Variants in C1orf87 observed in about 807,000 individuals in gnomAD.
C1orf87 encodes the protein uncharacterized protein C1orf87.
Under a neutral mutation model 60.5 loss-of-function variants are expected in C1orf87, and 58 were observed. That is an observed-to-expected ratio of 0.96 (90% CI 0.78 to 1.19). C1orf87 has a LOEUF of 1.19. Among genes scored for constraint, C1orf87 ranks in the 50% most tolerant of loss-of-function variants. C1orf87 has a pLI of 0.00. For missense variants in C1orf87, 673 were observed against 638.6 expected, an observed-to-expected ratio of 1.05 and a Z score of -0.58; for synonymous variants, 236 against 227.4, an observed-to-expected ratio of 1.04 and a Z score of -0.34.
intron 7 of C1orf87, among the ~76,000 whole-genome samples, chr1:60,031,562 G>A (rs1011947107): frequency 3.9e-5 from 6 of 152,130 alleles, no homozygotes; most frequent in Non-Finnish European, 8.8e-5. Flanking sequence ...ACCAAACACT[G>A]ATTTCTTTTT....
intron 4 of C1orf87, 68 bp from the exon 5 acceptor site, chr1:60,040,248 G>A (rs1425842416): frequency 1.3e-6 from 2 of 1,541,320 alleles, no homozygotes; most frequent in African/African-American, 2.8e-5. Context: ...AAGCAAGGAA[G>A]CAGAGGCACA....
At chr1:60,027,658 C>T (rs905850541) in intron 7 of C1orf87, among the ~76,000 whole-genome samples, 2 of 151,824 alleles carry the variant, frequency 1.3e-5, no homozygotes, top group South Asian at 2.1e-4. Flanking sequence ...GACAACCAAT[C>T]GGGTTTGAAA....
Position 60,042,310 on chromosome 1 carries a change from C to T in C1orf87, c.343-1179G>A, listed in dbSNP as rs548242070. 9.9e-5 allele frequency among the ~76,000 whole-genome samples: 15 copies of T among 152,224 alleles called. No individual in the cohort carries two copies. In the South Asian group the frequency reaches 2.7e-3, roughly 27 times the overall value. ...AGTGCAGTGGCAAGATCTCGGCTCA[C>T]TGCAACCTCTGCCTCCCGGGTTCAA... is the stretch of plus-strand genomic sequence containing the variant. On this transcript the variant is annotated intron_variant, in intron 3 of 11. Transcript: ENST00000371201.
chr1:60,067,489 T>C (rs1645555033), intron 2 of C1orf87, among the ~76,000 whole-genome samples: 1 of 152,118 alleles, frequency 6.6e-6, no homozygotes, highest in Non-Finnish European at 1.5e-5. Flanking sequence ...TTTTTTCATA[T>C]GTTTGTTGGC....
intron 7 of C1orf87, among the ~76,000 whole-genome samples, chr1:60,031,072 G>T (rs1645234601): frequency 6.6e-6 from 1 of 151,986 alleles, no homozygotes; most frequent in African/African-American, 2.4e-5. Context: ...CATAGTCTGT[G>T]ATTCTCTCTT....
intron 8 of C1orf87, among the ~76,000 whole-genome samples, chr1:60,019,546 T>C (rs76581314): frequency 0.06 from 9,097 of 152,102 alleles, 337 homozygotes; most frequent in Middle Eastern, 0.17. Flanking sequence ...TGGGTAAAGG[T>C]TGAAACATTT....
Position 60,072,560 on chromosome 1 carries a change from T to C in C1orf87, c.84A>G (p.Gln28=), listed in dbSNP as rs1372719591. ...ACATCTTTGGCTTCTCCACGAGGTA[T>C]TGAAAGTGTTTACTTCCAATGATTT... ...MVKIIGSKHF[Q]YLVEKPKIKE... is the part of the protein sequence containing the mutation. The change falls in exon 2 of 12, where the codon CAA becomes CAG. Residue 28 remains glutamine, a synonymous_variant. Coordinates refer to ENST00000371201, the MANE Select transcript of C1orf87 (RefSeq NM_152377.3). 9.3e-6 allele frequency: 15 copies of C among 1,612,524 alleles called. No homozygotes were observed. The highest frequency in any genetic ancestry group is 2.2e-5 in the East Asian group (1 of 44,866).
intron 3 of C1orf87, among the ~76,000 whole-genome samples, chr1:60,044,328 C>T (rs12734364): frequency 0.12 from 18,689 of 152,250 alleles, 1,403 homozygotes; most frequent in East Asian, 0.26. Flanking sequence ...CCACGCCCAG[C>T]CACAGACTAA....
intron 8 of C1orf87, among the ~76,000 whole-genome samples, chr1:60,016,090 C>A (rs919635377): frequency 6.6e-6 from 1 of 152,160 alleles, no homozygotes; most frequent in Non-Finnish European, 1.5e-5. Context: ...TAGCCATATT[C>A]TGAAGTACTG....
chr1:60,040,222 A>C, intron 4 of C1orf87, 42 bp from the exon 5 acceptor site: 8 of 1,573,772 alleles, frequency 5.1e-6, no homozygotes, highest in Non-Finnish European at 6.9e-6. Context: ...CTCTTCAATC[A>C]GCCGGCTAAA....
chr1:59,998,400 G>A (rs1644978606), intron 10 of C1orf87, among the ~76,000 whole-genome samples: 1 of 152,172 alleles, frequency 6.6e-6, no homozygotes, highest in South Asian at 2.1e-4. Context: ...TAGAAGCAGG[G>A]CATAAAGGCT....
intron 3 of C1orf87, 33 bp from the exon 4 acceptor site, chr1:60,041,164 GC>G: frequency 6.7e-7 from 1 of 1,485,322 alleles, no homozygotes; most frequent in South Asian, 1.4e-5. Flanking sequence ...GAAGCAAGGA[GC>G]AGAAGAGGAG....
At chr1:60,022,771 A>G (rs1045845712) in intron 8 of C1orf87, among the ~76,000 whole-genome samples, 1 of 152,000 alleles carries the variant, frequency 6.6e-6, no homozygotes, top group African/African-American at 2.4e-5. Context: ...GAGGCTATTA[A>G]TAAGCAAATA....
chr1:59,993,449 C>T (rs1447031360), intron 11 of C1orf87, among the ~76,000 whole-genome samples: 2 of 151,728 alleles, frequency 1.3e-5, no homozygotes, highest in Non-Finnish European at 2.9e-5. Flanking sequence ...AATATATAAA[C>T]AGTATATATG....
At position 60,001,118 on chromosome 1, in the gene C1orf87, G is replaced by C; in HGVS notation, c.1231C>G (p.Pro411Ala). The C allele has an allele frequency of 6.2e-7, 1 of 1,605,524 alleles. No individual in the cohort carries two copies. The highest frequency in any genetic ancestry group is 8.5e-7 in the Non-Finnish European group (1 of 1,176,092). ...CTTTGAGACATCTCGGGGACTTCAG[G>C]CTCCATTGGAGGGGCAGGGGCTTTC... The part of the protein sequence containing the change: ...EKKAPAPPME[P>A]EVPEMSQSKT... Residue 411 changes from proline to alanine, a missense_variant, in exon 10 of 12, where the codon CCT (proline) becomes GCT (alanine). By Grantham distance (27) the Pro-to-Ala change is conservative (BLOSUM62 -1). Coordinates refer to ENST00000371201, the MANE Select transcript of C1orf87 (RefSeq NM_152377.3).
At chr1:60,051,176 G>C (rs1005834671) in intron 3 of C1orf87, among the ~76,000 whole-genome samples, 1 of 152,166 alleles carries the variant, frequency 6.6e-6, no homozygotes, top group Admixed American at 6.5e-5. Context: ...ATAGAGAATA[G>C]ACAGAGTTGA....
Position 60,064,666 on chromosome 1 carries a change from A to ATTATATATAAATATATAT in C1orf87, c.107+7853_107+7870dup, listed in dbSNP as rs1241856798. On this transcript the variant is annotated intron_variant, in intron 2 of 11. Transcript: ENST00000371201. ...ATATATTTTATATATTAAATATATA[A>ATTATATATAAATATATAT]TTATATATAAATATATATTTATATA... Among the ~76,000 whole-genome samples the ATTATATATAAATATATAT allele has an allele frequency of 1.0e-4, 11 of 108,602 alleles. 1 individual carries two copies. In the South Asian group the frequency reaches 2.2e-3, roughly 22 times the overall value. The allele number at this position is 108,602 out of a possible 152,430, so 71.2% of individuals were successfully genotyped here. A position where few individuals can be genotyped will look rare whatever the true frequency, so the allele number is the denominator to read the frequency against.
At chr1:60,065,005 A>AAT (rs377606368) in intron 2 of C1orf87, among the ~76,000 whole-genome samples, 6 of 39,840 alleles carry the variant, frequency 1.5e-4, no homozygotes, top group African/African-American at 2.4e-4. Context: ...ATAAATATTA[A>AAT]ATATATATTA....
chr1:60,043,115 G>C (rs535765833), intron 3 of C1orf87, among the ~76,000 whole-genome samples: 2 of 152,288 alleles, frequency 1.3e-5, no homozygotes, highest in East Asian at 1.9e-4. Flanking sequence ...GACAGATGAT[G>C]CTTTCAGAGC....
Sources: allele counts gnomAD v4.1 joint callset (sites outside exome capture counted in the v4.1 genomes callset), GRCh38; gene constraint gnomAD v4.1.1; transcripts MANE v1.5; gene names NCBI Gene and HGNC (gene_info 2026-07-23, HGNC 2026-07-21).